Variants in PLCXD2 observed in about 807,000 individuals in gnomAD.
The protein encoded by PLCXD2 is PI-PLC X domain-containing protein 2.
PLCXD2 carries 21 observed loss-of-function variants against 28.6 expected under a neutral mutation model. The observed-to-expected ratio is 0.73, with a 90% CI of 0.52 to 1.06. The LOEUF (loss-of-function observed/expected upper bound fraction) is 1.06. Ranked by LOEUF, PLCXD2 falls within the 50% of genes least tolerant of loss-of-function variation. The pLI, the probability that PLCXD2 is intolerant of heterozygous loss-of-function variation, is 0.00. For missense variants in PLCXD2, 369 were observed against 376.7 expected (o/e 0.98, Z 0.17); for synonymous variants, 140 against 150.1 (o/e 0.93, Z 0.49).
intron 1 of PLCXD2, among the ~76,000 whole-genome samples, chr3:111,687,419 G>A (rs1940810722): frequency 6.6e-6 from 1 of 152,106 alleles, no homozygotes; most frequent in African/African-American, 2.4e-5. Flanking sequence ...TCTTAGACAA[G>A]TCTTTTGCTA....
chr3:111,708,747 A>G (rs959442782), intron 2 of PLCXD2, among the ~76,000 whole-genome samples: 4 of 152,200 alleles, frequency 2.6e-5, no homozygotes, highest in African/African-American at 9.6e-5. Context: ...AGTCTGTTCC[A>G]TCTTGCCTTC....
chr3:111,693,847 A>G (rs1445365677), intron 1 of PLCXD2, among the ~76,000 whole-genome samples: 1 of 152,134 alleles, frequency 6.6e-6, no homozygotes, highest in Admixed American at 6.5e-5. Flanking sequence ...CTCCCCAGCT[A>G]GGTCTACACC....
At chr3:111,714,221 T>C (rs964180489) in intron 3 of PLCXD2, 93 bp downstream of exon 3, 100 of 1,430,978 alleles carry the variant, frequency 7.0e-5, no homozygotes, top group Non-Finnish European at 8.5e-5. Context: ...CCATGTAGTC[T>C]GAGGAGTTAG....
chr3:111,719,936 C>A (rs1460879623), intron 3 of PLCXD2, among the ~76,000 whole-genome samples: 1 of 152,154 alleles, frequency 6.6e-6, no homozygotes, highest in African/African-American at 2.4e-5. Flanking sequence ...ATATTGAACT[C>A]CAGTTAATCA....
chr3:111,697,843 G>GTATT (rs61390349), intron 1 of PLCXD2, among the ~76,000 whole-genome samples: 150,460 of 152,138 alleles, frequency 0.99, 74,422 homozygotes, highest in East Asian at 1. Context: ...TGTAGTCACT[G>GTATT]TATTTATTTC....
rs753496946 is a variant in PLCXD2, at chr3:111,675,311, C to T, written c.66C>T (p.Ser22=). ...GGACCATCTGCTCCCCCAACCCCAGCGGGACAAAGACATCATCGGAGGTCT... is the reference window on the plus strand; with the variant it reads ...GGACCATCTGCTCCCCCAACCCCAGTGGGACAAAGACATCATCGGAGGTCT... The change falls in exon 1 of 5, where the codon AGC becomes AGT. Residue 22 remains serine, a synonymous_variant. Transcript: ENST00000477665. The T allele has an allele frequency of 3.7e-6, 6 of 1,614,120 alleles. No individual in the cohort carries two copies. Among genetic ancestry groups the T allele is most frequent in the South Asian group, 1.1e-5 (1 of 91,066 alleles).
intron 1 of PLCXD2, among the ~76,000 whole-genome samples, chr3:111,703,304 T>A (rs1023987630): frequency 1.3e-5 from 2 of 152,186 alleles, no homozygotes; most frequent in Admixed American, 6.5e-5. Context: ...AAAAAGAGAC[T>A]CTGTTCCTAG....
At chr3:111,725,547 C>T (rs1941404534) in intron 3 of PLCXD2, 2 of 397,988 alleles carry the variant, frequency 5.0e-6, no homozygotes, top group Admixed American at 8.8e-5. Context: ...TCCAATAGCA[C>T]TATAACCCTA....
At chr3:111,704,717 C>A (rs1356961647) in intron 1 of PLCXD2, among the ~76,000 whole-genome samples, 1 of 152,188 alleles carries the variant, frequency 6.6e-6, no homozygotes, top group African/African-American at 2.4e-5. Flanking sequence ...AGTCAAAATC[C>A]TCTCTTCTAG....
chr3:111,680,218 T>C (rs1201222176), intron 1 of PLCXD2, among the ~76,000 whole-genome samples: 1 of 152,196 alleles, frequency 6.6e-6, no homozygotes, highest in African/African-American at 2.4e-5. Context: ...TGGAGCAGGA[T>C]GGAGTCATTA....
At chr3:111,699,379 T>G (rs2107854314) in intron 1 of PLCXD2, among the ~76,000 whole-genome samples, 1 of 152,328 alleles carries the variant, frequency 6.6e-6, no homozygotes, top group Admixed American at 6.5e-5. Context: ...TCTTTTTATT[T>G]GAGCTCAGAA....
chr3:111,718,190 C>T (rs1179996083), intron 3 of PLCXD2, among the ~76,000 whole-genome samples: 1 of 152,118 alleles, frequency 6.6e-6, no homozygotes, highest in Non-Finnish European at 1.5e-5. Context: ...ATAGGCCAGG[C>T]GCAGTGGCTC....
chr3:111,724,564 C>T (rs771418491), intron 3 of PLCXD2: 2 of 152,134 alleles, frequency 1.3e-5, no homozygotes, highest in Non-Finnish European at 2.9e-5. Context: ...GAAAGTGCTT[C>T]CCAATGAGAC....
Position 111,675,311 on chromosome 3 carries a change from C to G in PLCXD2, c.66C>G (p.Ser22Arg), listed in dbSNP as rs753496946. 6.2e-7 allele frequency: 1 copy of G among 1,614,120 alleles called. No individual in the cohort carries two copies. Among genetic ancestry groups the G allele is most frequent in the Non-Finnish European group, 8.5e-7 (1 of 1,180,022 alleles). Residue 22 changes from serine to arginine, a missense_variant, in exon 1 of 5, where the codon AGC becomes AGG. Ser to Arg is a moderately radical substitution (Grantham distance 110). Transcript: ENST00000477665. Reference sequence around the variant, plus strand: ...GGACCATCTGCTCCCCCAACCCCAGCGGGACAAAGACATCATCGGAGGTCT... The same window carrying G: ...GGACCATCTGCTCCCCCAACCCCAGGGGGACAAAGACATCATCGGAGGTCT...
intron 1 of PLCXD2, among the ~76,000 whole-genome samples, chr3:111,701,950 CT>C (rs1941049996): frequency 1.3e-5 from 2 of 151,918 alleles, no homozygotes; most frequent in South Asian, 4.2e-4. Flanking sequence ...AAAATACGCA[CT>C]TTGTTGTGTG....
intron 3 of PLCXD2, chr3:111,723,171 T>C (rs565604887): frequency 6.6e-6 from 1 of 152,338 alleles, no homozygotes; most frequent in East Asian, 1.9e-4. Context: ...TCCCCACTTT[T>C]TACCCTTTGT....
intron 3 of PLCXD2, among the ~76,000 whole-genome samples, chr3:111,718,518 TAGA>T (rs1231606989): frequency 9.1e-5 from 12 of 132,148 alleles, no homozygotes; most frequent in African/African-American, 3.1e-4. Flanking sequence ...GATAGATAGA[TAGA>T]TAGATAGATA....
At position 111,714,045 on chromosome 3, in the gene PLCXD2, T is replaced by C. The variant is rs2107868752; in HGVS notation, c.783T>C (p.His261=). Residue 261 remains histidine (H), a synonymous_variant, in exon 3 of 5, where the codon CAT becomes CAC. Coordinates refer to ENST00000477665, the MANE Select transcript of PLCXD2 (RefSeq NM_001185106.1). ...AGCGGGCCTCACGGGGCTCCTTCCA[T>C]GTCTCCCAAGCGATCCTCACCCCCA... 2 of 1,614,156 alleles carry C rather than the reference T, an allele frequency of 1.2e-6. No individual in the cohort carries two copies. The highest frequency in any genetic ancestry group is 1.7e-6 in the Non-Finnish European group (2 of 1,180,018).
At chr3:111,710,979 T>G (rs1191914519) in intron 2 of PLCXD2, among the ~76,000 whole-genome samples, 2 of 152,246 alleles carry the variant, frequency 1.3e-5, no homozygotes, top group African/African-American at 4.8e-5. Context: ...ATTATCCAAC[T>G]ACAAATACTT....
Sources: allele counts gnomAD v4.1 joint callset (sites outside exome capture counted in the v4.1 genomes callset), GRCh38; gene constraint gnomAD v4.1.1; transcripts MANE v1.5; gene names NCBI Gene and HGNC (gene_info 2026-07-23, HGNC 2026-07-21).